The following ADGRE1 variants were observed in gnomAD, a reference collection of about 807,000 sequenced individuals.
ADGRE1 encodes the protein adhesion G protein-coupled receptor E1.
Under a neutral mutation model 102.7 loss-of-function variants are expected in ADGRE1, and 82 were observed. The ratio of observed to expected loss-of-function variants is 0.80; its 90% confidence interval spans 0.67 to 0.96. The LOEUF (loss-of-function observed/expected upper bound fraction) is 0.96, where lower values mean the gene tolerates loss of function less well. Among genes scored for constraint, ADGRE1 ranks in the 40% least tolerant of loss-of-function variants. The probability of loss-of-function intolerance (pLI) is 0.00; values close to 1 mark genes in which losing one functional copy is unlikely to be tolerated. For missense variants in ADGRE1, 1,032 were observed against 1,085.3 expected (o/e 0.95, Z 0.69); for synonymous variants, 398 against 399.6 (o/e 1.00, Z 0.05).
At chr19:6,926,629 G>T in intron 16 of ADGRE1, 28 bp downstream of exon 16, 1 of 1,610,348 alleles carries the variant, frequency 6.2e-7, no homozygotes, top group South Asian at 1.1e-5. Flanking sequence ...TCTTCCTGAA[G>T]ACCCTGCTGC....
At chr19:6,889,972 G>A (rs1267969100) in intron 1 of ADGRE1, among the ~76,000 whole-genome samples, 1 of 152,038 alleles carries the variant, frequency 6.6e-6, no homozygotes, top group Non-Finnish European at 1.5e-5. Flanking sequence ...GAGCGCAGTG[G>A]CATGATCTTG....
Position 6,913,850 on chromosome 19 carries a change from G to C in ADGRE1, c.1300+20G>C. On this transcript the variant is annotated intron_variant, in intron 11 of 20. Transcript: ENST00000312053. ...ACTTAGGTAGGAGACACCCTTTGTG[G>C]CAAGGTTACACCTAGGGGATGATTT... The C allele has an allele frequency of 6.4e-7, 1 of 1,553,850 alleles. No homozygotes were observed. The highest frequency in any genetic ancestry group is 8.7e-7 in the Non-Finnish European group (1 of 1,143,408).
At chr19:6,918,296 C>CTTTATTTTT (rs1974479352) in intron 12 of ADGRE1, among the ~76,000 whole-genome samples, 1 of 152,052 alleles carries the variant, frequency 6.6e-6, no homozygotes, top group Admixed American at 6.6e-5. Context: ...AAAAAATTAG[C>CTTTATTTTT]TGGGTGTGGT....
chr19:6,907,107 C>T (rs561495282), intron 9 of ADGRE1, among the ~76,000 whole-genome samples: 12 of 152,246 alleles, frequency 7.9e-5, no homozygotes, highest in Admixed American at 7.8e-4. Context: ...GAAGTCATTA[C>T]AATGAGTAAA....
At chr19:6,926,877 A>G (rs1974935105) in intron 16 of ADGRE1, among the ~76,000 whole-genome samples, 1 of 146,552 alleles carries the variant, frequency 6.8e-6, no homozygotes, top group African/African-American at 2.5e-5. Context: ...CGTGTATGAC[A>G]TGGGGGGTGG....
chr19:6,937,449 TCCCCCTCTC>T, intron 19 of ADGRE1, 38 bp downstream of exon 19: 1 of 691,254 alleles, frequency 1.4e-6, no homozygotes, highest in Non-Finnish European at 2.1e-6. Context: ...CCTCCTCCCA[TCCCCCTCTC>T]CCCCCTTCCC....
chr19:6,936,673 AG>A (rs373534516), intron 18 of ADGRE1, among the ~76,000 whole-genome samples: 34 of 148,706 alleles, frequency 2.3e-4, no homozygotes, highest in African/African-American at 7.9e-4. Context: ...CCCAGGCTAG[AG>A]GGCATTGGCA....
Position 6,898,425 on chromosome 19 carries a change from C to T in ADGRE1, c.514+878C>T, listed in dbSNP as rs569816241. 4 of 1,601,048 alleles carry T rather than the reference C, an allele frequency of 2.5e-6. No homozygotes were observed. The South Asian group carries it at 3.3e-5, about 13-fold the overall frequency. ...GTTTCTCTTCTCCCACTGGAAATGACTGGATCCCAGGAAAGCCGGGCAATT... is the reference window on the plus strand; with the variant it reads ...GTTTCTCTTCTCCCACTGGAAATGATTGGATCCCAGGAAAGCCGGGCAATT... On this transcript the variant is annotated intron_variant, in intron 5 of 20. Coordinates refer to ENST00000312053, the MANE Select transcript of ADGRE1 (RefSeq NM_001974.5).
chr19:6,913,039 A>T (rs1340002291), intron 10 of ADGRE1, among the ~76,000 whole-genome samples: 1 of 152,040 alleles, frequency 6.6e-6, no homozygotes, highest in Non-Finnish European at 1.5e-5. Context: ...GGCTCAAGAG[A>T]TCCTCCCACT....
intron 8 of ADGRE1, among the ~76,000 whole-genome samples, chr19:6,904,493 A>G (rs543509463): frequency 6.6e-6 from 1 of 151,926 alleles, no homozygotes; most frequent in South Asian, 2.1e-4. Flanking sequence ...TTATTTAATT[A>G]TAACTATGAA....
chr19:6,926,990 C>T (rs938610917), intron 16 of ADGRE1, among the ~76,000 whole-genome samples: 8 of 148,840 alleles, frequency 5.4e-5, no homozygotes, highest in African/African-American at 1.3e-4. Flanking sequence ...ACCCGGGAGG[C>T]GGAGGCTGCA....
rs571536995 is a variant in ADGRE1, at chr19:6,890,037, T to C, written c.32-444T>C. ...AAGCAATCCTTCCACCTCAGCCTCC[T>C]GAGTAGCTGGGGCTACAAGTTGTCA... On this transcript the variant is annotated intron_variant, in intron 1 of 20. Transcript: ENST00000312053. 7.2e-5 allele frequency among the ~76,000 whole-genome samples: 11 copies of C among 152,180 alleles called. No homozygotes were observed. The East Asian group carries it at 1.7e-3, about 24-fold the overall frequency.
At chr19:6,890,646 A>T in intron 2 of ADGRE1, 103 bp downstream of exon 2, 3 of 1,235,080 alleles carry the variant, frequency 2.4e-6, no homozygotes, top group Non-Finnish European at 3.4e-6. Flanking sequence ...GCTTGCTGGG[A>T]GCTAGTTAGC....
rs759823059 is a variant in ADGRE1, at chr19:6,928,178, G to A, written c.2256G>A (p.Trp752Ter). The A allele has an allele frequency of 3.1e-6, 5 of 1,614,136 alleles. No individual in the cohort carries two copies. Among genetic ancestry groups the A allele is most frequent in the Non-Finnish European group, 4.2e-6 (5 of 1,180,014 alleles). ...CWLNTETGFIWSFLGPVCTVI... is the reference protein window; with the variant it reads ...CWLNTETGFI ...TGAATACAGAGACAGGGTTCATCTG[G>A]AGTTTCTTGGGGCCAGTTTGCACAG... The change falls in exon 17 of 21, where the codon TGG becomes TGA. Residue 752 changes from tryptophan (W) to a stop codon, truncating the protein, a stop_gained. Transcript: ENST00000312053. LOFTEE classifies it high-confidence loss of function.
At chr19:6,937,113 C>A (rs962397948) in intron 18 of ADGRE1, 130 bp from the exon 19 acceptor site, 6 of 994,364 alleles carry the variant, frequency 6.0e-6, no homozygotes, top group South Asian at 1.6e-5. Flanking sequence ...GCTTGGAGAC[C>A]CCACCCTACA....
At chr19:6,934,419 CTTTTTTT>C (rs71177132) in intron 17 of ADGRE1, among the ~76,000 whole-genome samples, 1 of 95,472 alleles carries the variant, frequency 1.0e-5, no homozygotes, top group Non-Finnish European at 1.9e-5. Context: ...TCTTCTTCTT[CTTTTTTT>C]TTTTTTTTTT....
chr19:6,934,951 T>C, intron 17 of ADGRE1, 36 bp from the exon 18 acceptor site: 1 of 1,461,410 alleles, frequency 6.8e-7, no homozygotes, highest in Non-Finnish European at 9.3e-7. Flanking sequence ...TCTATTTGTA[T>C]ATCCAGTCTC....
At chr19:6,899,182 C>T (rs1013878338) in intron 5 of ADGRE1, among the ~76,000 whole-genome samples, 11 of 152,110 alleles carry the variant, frequency 7.2e-5, no homozygotes, top group Non-Finnish European at 1.5e-5. Context: ...CACTTGTCTC[C>T]AGACCGATAT....
chr19:6,920,943 C>T (rs1974641753), intron 13 of ADGRE1, among the ~76,000 whole-genome samples: 1 of 152,184 alleles, frequency 6.6e-6, no homozygotes, highest in East Asian at 1.9e-4. Context: ...TTTCTCATGT[C>T]TCCTGTAAAC....
Sources: gnomAD v4.1 joint callset for allele counts (sites outside exome capture counted in the v4.1 genomes callset) on GRCh38, gnomAD v4.1.1 for gene constraint, MANE v1.5 for transcripts, NCBI Gene and HGNC (gene_info 2026-07-23, HGNC 2026-07-21) for gene names.